MGAT5B: variants seen among roughly 807,000 people sequenced by gnomAD.
MGAT5B encodes alpha-1,6-mannosylglycoprotein 6-beta-N-acetylglucosaminyltransferase B.
Under a neutral mutation model 95.1 loss-of-function variants are expected in MGAT5B, and 54 were observed. The observed-to-expected ratio is 0.57, with a 90% confidence interval of 0.46 to 0.71. The LOEUF (loss-of-function observed/expected upper bound fraction) is 0.71, where lower values mean the gene tolerates loss of function less well. MGAT5B is among the 30% of genes least tolerant of loss of function. The pLI, the probability that MGAT5B is intolerant of heterozygous loss-of-function variation, is 0.00. For missense variants in MGAT5B, 935 were observed against 1,088.6 expected (o/e 0.86, Z 1.99); for synonymous variants, 464 against 451.0 (o/e 1.03, Z -0.36).
Position 76,948,006 on chromosome 17 carries a change from C to T in MGAT5B, c.2100C>T (p.Cys700=). 2 of 1,612,756 alleles carry T rather than the reference C, an allele frequency of 1.2e-6. No individual in the cohort carries two copies. Among genetic ancestry groups the T allele is most frequent in the Non-Finnish European group, 1.7e-6 (2 of 1,179,534 alleles). The change falls in exon 17 of 18, where the codon TGC becomes TGT. Residue 700 remains cysteine (C), a synonymous_variant. Coordinates refer to ENST00000569840, the MANE Select transcript of MGAT5B (RefSeq NM_001199172.2). ...RAWLAVPGRA[C]TDTCLDHGLI... ...GGCTGGCCGTGCCTGGGAGGGCCTGCACCGACACCTGCCTGGACCACGGGC... is the reference window on the plus strand; with the variant it reads ...GGCTGGCCGTGCCTGGGAGGGCCTGTACCGACACCTGCCTGGACCACGGGC...
chr17:76,896,418 A>G (rs1464652376), intron 3 of MGAT5B, among the ~76,000 whole-genome samples: 1 of 152,224 alleles, frequency 6.6e-6, no homozygotes, highest in Non-Finnish European at 1.5e-5. Context: ...TGCTTGTCGC[A>G]GGAAAATTGC....
At chr17:76,877,764 T>C (rs1210939069) in intron 2 of MGAT5B, among the ~76,000 whole-genome samples, 1 of 152,252 alleles carries the variant, frequency 6.6e-6, no homozygotes, top group Middle Eastern at 3.4e-3. Flanking sequence ...CAGGGAGGTC[T>C]CTGCTTTCTG....
chr17:76,888,982 C>T (rs776674309), intron 3 of MGAT5B, among the ~76,000 whole-genome samples: 1 of 152,156 alleles, frequency 6.6e-6, no homozygotes, highest in Admixed American at 6.5e-5. Context: ...GCTGGCTGCA[C>T]GAGGGTCGGC....
At position 76,906,192 on chromosome 17, in the gene MGAT5B, G is replaced by A; in HGVS notation, c.1025+5G>A. ...CTCCCTGAAGGAGCTGCAGAGGTGA[G>A]TGCTGGGGAAAGCCACTGGCATTAA... On this transcript the variant is annotated splice_donor_5th_base_variant and intron_variant, in intron 8 of 17. Transcript: ENST00000569840. This position sits in a 1 kb window ranked among gnomAD's most constrained non-coding sequence, Gnocchi z 4.6. 2 of 1,592,834 alleles carry A rather than the reference G, an allele frequency of 1.3e-6. No individual in the cohort carries two copies. The highest frequency in any genetic ancestry group is 1.7e-6 in the Non-Finnish European group (2 of 1,172,052).
Position 76,904,345 on chromosome 17 carries a change from G to C in MGAT5B, c.613G>C (p.Glu205Gln). 1 of 1,598,340 alleles carries C rather than the reference G, an allele frequency of 6.3e-7. No homozygotes were observed. Among genetic ancestry groups the C allele is most frequent in the Non-Finnish European group, 8.5e-7 (1 of 1,172,718 alleles). ...CTTCCTCATCTACCTCAGTGAGGTC[G>C]AGTGGTTCTGCCCCCCGCTGCCCTG... ...CSFLIYLSEV[E>Q]WFCPPLPWRN... Residue 205 changes from glutamate to glutamine, a missense_variant, in exon 6 of 18, where the codon GAG (glutamate) becomes CAG (glutamine). Coordinates refer to ENST00000569840, the MANE Select transcript of MGAT5B (RefSeq NM_001199172.2).
chr17:76,923,024 G>A (rs1969167409), intron 8 of MGAT5B, among the ~76,000 whole-genome samples: 1 of 152,184 alleles, frequency 6.6e-6, no homozygotes, highest in African/African-American at 2.4e-5. Context: ...CTTAGTCCCT[G>A]TGCTGGCAGC....
chr17:76,946,533 C>A, intron 16 of MGAT5B, 83 bp downstream of exon 16: 1 of 1,223,172 alleles, frequency 8.2e-7, no homozygotes. Flanking sequence ...TGCCCAGGGC[C>A]CTGCACCCGT....
intron 17 of MGAT5B, 46 bp downstream of exon 17, chr17:76,948,132 C>A: frequency 6.9e-7 from 1 of 1,455,698 alleles, no homozygotes; most frequent in Non-Finnish European, 9.3e-7. Flanking sequence ...TCATCGCTGG[C>A]CCAGCCGGGT....
rs534260177 is a variant in MGAT5B at position 76,905,710 on chromosome 17, T to C, written c.856-308T>C. ...TCCCTCCACCCAGTAGATATTTACGTGGCTCTCACATTGCCCTTTTATTTC... is the reference window on the plus strand; with the variant it reads ...TCCCTCCACCCAGTAGATATTTACGCGGCTCTCACATTGCCCTTTTATTTC... On this transcript the variant is annotated intron_variant, in intron 7 of 17. Transcript: ENST00000569840. The surrounding 1 kb of genome is among the most constrained non-coding windows in gnomAD (Gnocchi z 4.2). Among the ~76,000 whole-genome samples the C allele has an allele frequency of 6.7e-6, 1 of 149,688 alleles. No homozygotes were observed. Among genetic ancestry groups the C allele is most frequent in the South Asian group, 2.2e-4 (1 of 4,536 alleles).
At chr17:76,876,413 C>T (rs1203335133) in intron 2 of MGAT5B, among the ~76,000 whole-genome samples, 1 of 149,466 alleles carries the variant, frequency 6.7e-6, no homozygotes, top group African/African-American at 2.5e-5. Flanking sequence ...TAGACAACCC[C>T]AGAGCAGAAT....
intron 9 of MGAT5B, 121 bp downstream of exon 9, chr17:76,925,218 C>T: frequency 2.9e-6 from 3 of 1,019,072 alleles, no homozygotes; most frequent in Non-Finnish European, 4.2e-6. Context: ...AACATACTGT[C>T]CTGCATCCTG....
At position 76,902,547 on chromosome 17, in the gene MGAT5B, CCA is replaced by C; in HGVS notation, c.330-6_330-5del. 2 of 1,571,884 alleles carry C rather than the reference CCA, an allele frequency of 1.3e-6. No individual in the cohort carries two copies. The highest frequency in any genetic ancestry group is 1.7e-6 in the Non-Finnish European group (2 of 1,156,576). ...TTCTGTGGCTCACCTCTGGCTTTTC[CCA>C]CTTAGGATGCCCCCTGGGGCCGGCC... On this transcript the variant is annotated splice_polypyrimidine_tract_variant and splice_region_variant and intron_variant, in intron 3 of 17. Transcript: ENST00000569840.
chr17:76,869,138 C>T lies in MGAT5B; in HGVS notation c.68+41C>T. 1 of 1,582,412 alleles carries T rather than the reference C, an allele frequency of 6.3e-7. No individual in the cohort carries two copies. The highest frequency in any genetic ancestry group is 8.7e-7 in the Non-Finnish European group (1 of 1,151,400). ...GGTTGGTTTTTTCCCCAGGGGGGCG[C>T]CGGGTGGAGGTGGGCGAGGTCGGTT... On this transcript the variant is annotated intron_variant, in intron 1 of 17. Transcript: ENST00000569840. This position sits in a 1 kb window ranked among gnomAD's most constrained non-coding sequence, Gnocchi z 7.0.
intron 6 of MGAT5B, 111 bp downstream of exon 6, chr17:76,904,533 G>A (rs1968446286): frequency 1.2e-5 from 15 of 1,281,606 alleles, no homozygotes; most frequent in South Asian, 1.5e-5. Context: ...TGCTTGCCAG[G>A]TGTGTGGGCA....
intron 16 of MGAT5B, among the ~76,000 whole-genome samples, chr17:76,946,973 C>T (rs1036760733): frequency 4.6e-5 from 7 of 152,246 alleles, no homozygotes; most frequent in African/African-American, 9.6e-5. Context: ...TCTCCTCCCA[C>T]GGGTGCTCAG....
chr17:76,928,200 CCTT>C (rs1277421986), intron 10 of MGAT5B, among the ~76,000 whole-genome samples: 1 of 152,062 alleles, frequency 6.6e-6, no homozygotes, highest in Non-Finnish European at 1.5e-5. Flanking sequence ...GGACCAGACT[CCTT>C]CTGCAGGGCC....
intron 3 of MGAT5B, among the ~76,000 whole-genome samples, chr17:76,882,791 T>C (rs1222430993): frequency 6.9e-6 from 1 of 144,022 alleles, no homozygotes; most frequent in Non-Finnish European, 1.5e-5. Context: ...CTCAGCTCAC[T>C]GCAACCTCTG....
intron 16 of MGAT5B, 87 bp downstream of exon 16, chr17:76,946,537 C>T (rs1373900189): frequency 7.6e-6 from 9 of 1,188,274 alleles, no homozygotes; most frequent in South Asian, 5.2e-5. Flanking sequence ...CAGGGCCCTG[C>T]ACCCGTGAAA....
Position 76,943,256 on chromosome 17 carries a change from C to T in MGAT5B, c.1848+2408C>T, listed in dbSNP as rs530366165. Among the ~76,000 whole-genome samples, 7 of 152,064 alleles carry T rather than the reference C, an allele frequency of 4.6e-5. No homozygotes were observed. In the East Asian group the frequency reaches 1.4e-3, roughly 29 times the overall value. ...TGTTAATTAGTTAATTAAAAAATAA[C>T]AATTACAAAAGGATTAAGGAAGCAA... On this transcript the variant is annotated intron_variant, in intron 15 of 17. Transcript: ENST00000569840.
Sources: gnomAD v4.1 joint callset for allele counts (sites outside exome capture counted in the v4.1 genomes callset) on GRCh38, gnomAD v4.1.1 for gene constraint, Gnocchi (gnomAD v3.1) non-coding constraint, MANE v1.5 for transcripts, NCBI Gene and HGNC (gene_info 2026-07-23, HGNC 2026-07-21) for gene names.